SLC35A5: variants seen among roughly 807,000 people sequenced by gnomAD.
SLC35A5 encodes UDP-sugar transporter protein SLC35A5.
A neutral mutation model predicts 36.3 loss-of-function variants in SLC35A5; 28 were observed. The observed-to-expected ratio is 0.77, with a 90% CI of 0.57 to 1.06. SLC35A5 has a LOEUF of 1.06. Ranked by LOEUF, SLC35A5 falls within the 50% of genes least tolerant of loss-of-function variation. The probability of loss-of-function intolerance (pLI) is 0.00; values close to 1 mark genes in which losing one functional copy is unlikely to be tolerated. For missense variants in SLC35A5, 521 were observed against 499.3 expected, an observed-to-expected ratio of 1.04 and a Z score of -0.41; for synonymous variants, 180 against 173.7, an observed-to-expected ratio of 1.04 and a Z score of -0.29.
intron 2 of SLC35A5, 104 bp from the exon 3 acceptor site, chr3:112,569,067 A>G: frequency 1.2e-6 from 1 of 850,932 alleles, no homozygotes. Context: ...TAATATAACC[A>G]GTAGTAAATC....
rs955976157 is a variant in SLC35A5, at chr3:112,573,793, C to A, written c.361-96C>A. On this transcript the variant is annotated intron_variant, in intron 4 of 6. Coordinates refer to ENST00000492406, the MANE Select transcript of SLC35A5 (RefSeq NM_017945.5). ...CTTAATAACCCCTCTGTTTTTTGAC[C>A]AAAAAGCTTTTTTTGTCAGGTGAAC... 1.8e-5 allele frequency: 18 copies of A among 995,116 alleles called. 1 individual carries two copies. The South Asian group carries it at 2.5e-4, about 14-fold the overall frequency. The allele number at this position is 995,116 out of a possible 1,614,324, so 61.6% of individuals were successfully genotyped here. A position where few individuals can be genotyped will look rare whatever the true frequency, so the allele number is the denominator to read the frequency against.
chr3:112,561,484 C>T (rs754383110), upstream of SLC35A5: 2 of 1,613,348 alleles, frequency 1.2e-6, no homozygotes, highest in East Asian at 2.2e-5. Context: ...GGTACTCAGC[C>T]ACTTCCAGTG....
Position 112,570,688 on chromosome 3 carries a change from A to G in SLC35A5, c.360+18A>G. ...TTCAACCAGTAAGTAAATATGAAAA[A>G]GAAAATACCATTGAAAAGATACAGA... is the stretch of plus-strand genomic sequence containing the variant. On this transcript the variant is annotated intron_variant, in intron 4 of 6. Coordinates refer to ENST00000492406, the MANE Select transcript of SLC35A5 (RefSeq NM_017945.5). 3 of 1,537,618 alleles carry G rather than the reference A, an allele frequency of 2.0e-6. No individual in the cohort carries two copies. Among genetic ancestry groups the G allele is most frequent in the Non-Finnish European group, 2.6e-6 (3 of 1,150,068 alleles).
intron 5 of SLC35A5, among the ~76,000 whole-genome samples, chr3:112,580,086 T>G (rs1033029549): frequency 6.6e-6 from 1 of 152,002 alleles, no homozygotes; most frequent in African/African-American, 2.4e-5. Context: ...TATGGACACC[T>G]TTAAAGATTT....
intron 2 of SLC35A5, 55 bp downstream of exon 2, chr3:112,563,588 C>G: frequency 6.1e-6 from 9 of 1,481,834 alleles, no homozygotes; most frequent in Non-Finnish European, 8.2e-6. Flanking sequence ...ACACATCTCT[C>G]TCTTGCCTTT....
At chr3:112,561,709 A>G, upstream of SLC35A5, 1 of 622,730 alleles carries the variant, frequency 1.6e-6, no homozygotes, top group Non-Finnish European at 2.7e-6. Context: ...GGCGGCAGGC[A>G]CAGCGCGCGA....
At chr3:112,576,857 T>TGG (rs1934699081) in intron 5 of SLC35A5, among the ~76,000 whole-genome samples, 1 of 152,346 alleles carries the variant, frequency 6.6e-6, no homozygotes, top group East Asian at 1.9e-4. Context: ...CCCTATTTAA[T>TGG]TTACTCTTTG....
intron 5 of SLC35A5, among the ~76,000 whole-genome samples, chr3:112,577,606 C>T (rs1332867858): frequency 6.6e-6 from 1 of 152,132 alleles, no homozygotes. Context: ...ATAACCAAGA[C>T]CAGCACTTAT....
upstream of SLC35A5, chr3:112,561,579 G>C (rs375238137): frequency 2.8e-4 from 432 of 1,567,364 alleles, 2 homozygotes; most frequent in African/African-American, 5.5e-3. Context: ...AAGTGCAGCC[G>C]TGTCAGGGGC....
rs1244021847 is a variant in SLC35A5 at position 112,583,393 on chromosome 3, T to A, written c.*657T>A. ...GGATTTTTGTAATAATCTTTTGATGTTTTAAACATTGGTTCCCTAGTCACC... is the reference window on the plus strand; with the variant it reads ...GGATTTTTGTAATAATCTTTTGATGATTTAAACATTGGTTCCCTAGTCACC... On this transcript the variant is annotated 3_prime_UTR_variant, in exon 7 of 7. Coordinates refer to ENST00000492406, the MANE Select transcript of SLC35A5 (RefSeq NM_017945.5). The A allele has an allele frequency of 5.9e-6, 2 of 340,316 alleles. No individual in the cohort carries two copies. Among genetic ancestry groups the A allele is most frequent in the East Asian group, 8.5e-5 (2 of 23,536 alleles). 21.1% of individuals were successfully genotyped at this position (340,316 alleles called of 1,614,324 possible).
chr3:112,571,802 G>T (rs1433621701), intron 4 of SLC35A5, among the ~76,000 whole-genome samples: 1 of 152,010 alleles, frequency 6.6e-6, no homozygotes, highest in Non-Finnish European at 1.5e-5. Flanking sequence ...CCATGATTCA[G>T]TTATCTCCAC....
rs374787814 is a variant in SLC35A5 at position 112,569,130 on chromosome 3, A to T, written c.131-41A>T. ...TTATACTGTATATAAACATACATGG[A>T]ATAAAATATATAGTTAAAAAACATT... On this transcript the variant is annotated intron_variant, in intron 2 of 6. Coordinates refer to ENST00000492406, the MANE Select transcript of SLC35A5 (RefSeq NM_017945.5). 274 of 1,470,466 alleles carry T rather than the reference A, an allele frequency of 1.9e-4. 1 individual carries two copies. In the African/African-American group the frequency reaches 2.8e-3, roughly 15 times the overall value. 91.1% of individuals were successfully genotyped at this position (1,470,466 alleles called of 1,614,324 possible). A position where few individuals can be genotyped will look rare whatever the true frequency, so the allele number is the denominator to read the frequency against.
At chr3:112,569,112 GTA>G in intron 2 of SLC35A5, 57 bp from the exon 3 acceptor site, 1 of 1,310,020 alleles carries the variant, frequency 7.6e-7, no homozygotes. Flanking sequence ...ATGTTATACT[GTA>G]TATAAACATA....
At chr3:112,563,564 A>C in intron 2 of SLC35A5, 31 bp downstream of exon 2, 1 of 1,535,978 alleles carries the variant, frequency 6.5e-7, no homozygotes, top group South Asian at 1.2e-5. Context: ...TGCATGGAGC[A>C]CTTCCATCTA....
chr3:112,562,400 C>T (rs1933958529), intron 1 of SLC35A5, 127 bp downstream of exon 1: 1 of 152,492 alleles, frequency 6.6e-6, no homozygotes, highest in East Asian at 1.9e-4. Context: ...CTGGCCCCCT[C>T]CTGTCGGGGA....
At chr3:112,567,926 A>G (rs932656621) in intron 2 of SLC35A5, among the ~76,000 whole-genome samples, 5 of 152,242 alleles carry the variant, frequency 3.3e-5, no homozygotes, top group African/African-American at 1.2e-4. Flanking sequence ...ATTGGAGGAT[A>G]ACAGAGTGTG....
upstream of SLC35A5, chr3:112,561,803 G>C (rs1405577114): frequency 1.3e-5 from 6 of 455,744 alleles, no homozygotes; most frequent in Admixed American, 8.9e-5. Flanking sequence ...GAGGGCAGCG[G>C]GGCCGAAGGG....
At chr3:112,577,429 G>A (rs766819403) in intron 5 of SLC35A5, among the ~76,000 whole-genome samples, 7 of 152,178 alleles carry the variant, frequency 4.6e-5, no homozygotes, top group Non-Finnish European at 1.0e-4. Context: ...GTATAGATTT[G>A]TTCTTTGAAG....
chr3:112,569,161 T>C lies in SLC35A5; in HGVS notation c.131-10T>C. The C allele has an allele frequency of 1.3e-6, 2 of 1,598,680 alleles. No homozygotes were observed. Among genetic ancestry groups the C allele is most frequent in the Non-Finnish European group, 1.7e-6 (2 of 1,166,772 alleles). ...ATATATAGTTAAAAAACATTTCTGT[T>C]ACATTTCAGAAAACAAGTATGATTA... On this transcript the variant is annotated splice_polypyrimidine_tract_variant and intron_variant, in intron 2 of 6. Coordinates refer to ENST00000492406, the MANE Select transcript of SLC35A5 (RefSeq NM_017945.5).
Sources: allele counts gnomAD v4.1 joint callset (sites outside exome capture counted in the v4.1 genomes callset), GRCh38; gene constraint gnomAD v4.1.1; transcripts MANE v1.5; gene names NCBI Gene and HGNC (gene_info 2026-07-23, HGNC 2026-07-21).